The following TENM3 variants were observed in gnomAD, a reference collection of about 807,000 sequenced individuals.
TENM3 encodes teneurin-3.
In TENM3, 63 loss-of-function variants were observed where a neutral mutation model predicts 255.1. That is an observed-to-expected ratio of 0.25 (90% CI 0.20 to 0.30). The LOEUF is 0.30. Among genes scored for constraint, TENM3 ranks in the 10% least tolerant of loss-of-function variants. TENM3 has a pLI of 1.00. For missense variants in TENM3, 2,929 were observed against 3,461.1 expected (o/e 0.85, Z 3.86); for synonymous variants, 1,306 against 1,322.3 (o/e 0.99, Z 0.27).
At chr4:182,276,038 G>A (rs1358015364) in intron 1 of TENM3, among the ~76,000 whole-genome samples, 2 of 152,166 alleles carry the variant, frequency 1.3e-5, no homozygotes, top group Non-Finnish European at 2.9e-5. Flanking sequence ...GTCAAGCACG[G>A]CCTCTCTCAG....
chr4:181,861,717 G>C, the TENM3 span, among the ~76,000 whole-genome samples: 1 of 152,034 alleles, frequency 6.6e-6, no homozygotes, highest in Non-Finnish European at 1.5e-5. Flanking sequence ...GGTTAGCTCC[G>C]TGATGGTTTA....
chr4:182,158,856 C>T (rs919459947), intron 1 of TENM3, among the ~76,000 whole-genome samples: 7 of 152,152 alleles, frequency 4.6e-5, no homozygotes, highest in African/African-American at 1.7e-4. Flanking sequence ...ACTAAATTCT[C>T]TAAGAAAGGA....
chr4:182,794,028 CTT>C, intron 26 of TENM3, 143 bp downstream of exon 26: 1 of 720,528 alleles, frequency 1.4e-6, no homozygotes, highest in Non-Finnish European at 2.2e-6. Context: ...GTGTTTATTT[CTT>C]TATGGAACCA....
the TENM3 span, among the ~76,000 whole-genome samples, chr4:182,030,787 C>T: frequency 1.3e-5 from 2 of 152,146 alleles, no homozygotes; most frequent in Non-Finnish European, 2.9e-5. Context: ...TTTTGATATG[C>T]ATTACTCTAA....
the TENM3 span, among the ~76,000 whole-genome samples, chr4:181,580,981 T>A: frequency 6.6e-6 from 1 of 152,148 alleles, no homozygotes; most frequent in African/African-American, 2.4e-5. Context: ...TGCCTTGTAT[T>A]TTTTCTGTTT....
the TENM3 span, among the ~76,000 whole-genome samples, chr4:181,559,929 A>G: frequency 6.6e-6 from 1 of 152,232 alleles, no homozygotes; most frequent in African/African-American, 2.4e-5. Flanking sequence ...CACTAAATTA[A>G]TTCACTTAAA....
chr4:181,548,840 A>G, the TENM3 span, among the ~76,000 whole-genome samples: 4 of 152,172 alleles, frequency 2.6e-5, no homozygotes, highest in Non-Finnish European at 1.5e-5. Context: ...GGCATTTGTG[A>G]TATTAAAAGT....
At chr4:182,476,359 G>T (rs1432526486) in intron 3 of TENM3, among the ~76,000 whole-genome samples, 1 of 152,098 alleles carries the variant, frequency 6.6e-6, no homozygotes, top group African/African-American at 2.4e-5. Flanking sequence ...GTTTGGGTTT[G>T]GAGAGAAGAA....
chr4:181,877,666 T>C, the TENM3 span, among the ~76,000 whole-genome samples: 526 of 152,226 alleles, frequency 3.5e-3, 3 homozygotes, highest in African/African-American at 0.012. Flanking sequence ...CCCTGTGGTA[T>C]TGAATCAAGT....
intron 1 of TENM3, among the ~76,000 whole-genome samples, chr4:182,309,239 T>C (rs1762305114): frequency 6.6e-6 from 1 of 152,224 alleles, no homozygotes; most frequent in African/African-American, 2.4e-5. Context: ...TTCGCATCGC[T>C]GAGTGCGAAT....
chr4:182,744,304 G>T (rs1761848190), intron 19 of TENM3: 4 of 380,218 alleles, frequency 1.1e-5, no homozygotes, highest in Non-Finnish European at 1.4e-5. Flanking sequence ...GGAATTAAAA[G>T]TGCTTAATTG....
Position 182,755,076 on chromosome 4 carries a change from C to T in TENM3, c.4709C>T (p.Pro1570Leu), listed in dbSNP as rs1579357316. 6.2e-7 allele frequency: 1 copy of T among 1,613,986 alleles called. No homozygotes were observed. Residue 1570 changes from proline to leucine, a missense_variant, in exon 22 of 28, where the codon CCA becomes CTA. By Grantham distance (98) the Pro-to-Leu change is moderately conservative. Around this residue, in one of 6 missense-constraint regions of TENM3, gnomAD observed 1,608 missense variants for 1,884.4 expected, o/e 0.85. Transcript: ENST00000511685. ...NGNTLRIRRDPNRMPVRVVSP... is the reference protein window; with the variant it reads ...NGNTLRIRRDLNRMPVRVVSP... ...AACACCCTTAGAATTAGACGGGACC[C>T]AAATCGCATGCCAGTTCGAGTGGTG... is the stretch of plus-strand genomic sequence containing the variant.
At chr4:182,784,824 C>A (rs189392584) in intron 24 of TENM3, among the ~76,000 whole-genome samples, 11 of 151,918 alleles carry the variant, frequency 7.2e-5, no homozygotes, top group Non-Finnish European at 1.3e-4. Flanking sequence ...TTTCCAGGTG[C>A]TGTCCGTCAC....
In TENM3 at chr4:182,448,947, CA is replaced by C. The variant is rs1773187672; in HGVS notation, c.511+102019del. The C allele has an allele frequency of 7.7e-6, 3 of 390,392 alleles. No individual in the cohort carries two copies. The Admixed American group carries it at 8.8e-5, about 11-fold the overall frequency. 24.2% of individuals were successfully genotyped at this position (390,392 alleles called of 1,614,324 possible). ...CGGCCGGGTGTAAACAGAGGAGCCTCAGCCTATCATGTCTGGCCGCCGCGCG... is the reference window on the plus strand; with the variant it reads ...CGGCCGGGTGTAAACAGAGGAGCCTCGCCTATCATGTCTGGCCGCCGCGCG... On this transcript the variant is annotated intron_variant, in intron 3 of 27. Transcript: ENST00000511685.
At chr4:182,110,207 T>G in the TENM3 span, among the ~76,000 whole-genome samples, 1 of 152,138 alleles carries the variant, frequency 6.6e-6, no homozygotes, top group African/African-American at 2.4e-5. Context: ...ATCTATGCCT[T>G]GTCTACGGTT....
chr4:181,950,613 T>A, the TENM3 span, among the ~76,000 whole-genome samples: 1 of 152,192 alleles, frequency 6.6e-6, no homozygotes, highest in Non-Finnish European at 1.5e-5. Context: ...CAAAACACAG[T>A]GGACACTCAA....
chr4:182,356,086 G>T (rs1034352778), intron 3 of TENM3, among the ~76,000 whole-genome samples: 1 of 151,826 alleles, frequency 6.6e-6, no homozygotes, highest in Non-Finnish European at 1.5e-5. Context: ...TTAACATAAG[G>T]TTATAGATGA....
At chr4:181,683,295 C>T in the TENM3 span, among the ~76,000 whole-genome samples, 22 of 152,032 alleles carry the variant, frequency 1.4e-4, no homozygotes, top group African/African-American at 4.8e-4. Flanking sequence ...CACCTAGAGG[C>T]CCAAGTCATC....
At chr4:182,251,577 TC>T (rs1201995299) in intron 1 of TENM3, among the ~76,000 whole-genome samples, 1 of 152,228 alleles carries the variant, frequency 6.6e-6, no homozygotes, top group Non-Finnish European at 1.5e-5. Context: ...GGGCCTTCTT[TC>T]CCAGTATAGA....
Sources: allele counts gnomAD v4.1 joint callset (sites outside exome capture counted in the v4.1 genomes callset), GRCh38; gene constraint gnomAD v4.1.1; regional missense constraint gnomAD v4.1.1; transcripts MANE v1.5; gene names NCBI Gene and HGNC (gene_info 2026-07-23, HGNC 2026-07-21).